RPE65: variants seen among roughly 807,000 people sequenced by gnomAD.
RPE65 encodes retinoid isomerohydrolase.
Under a neutral mutation model 68.5 loss-of-function variants are expected in RPE65, and 58 were observed. The ratio of observed to expected loss-of-function variants is 0.85; its 90% CI spans 0.69 to 1.05. The LOEUF is 1.05. Among genes scored for constraint, RPE65 ranks in the 50% least tolerant of loss-of-function variants. The pLI is 0.00. For missense variants in RPE65, 643 were observed against 629.9 expected (o/e 1.02, Z -0.22); for synonymous variants, 220 against 222.2 (o/e 0.99, Z 0.09).
intron 10 of RPE65, among the ~76,000 whole-genome samples, chr1:68,433,137 C>T (rs1645838285): frequency 6.6e-6 from 1 of 152,070 alleles, no homozygotes; most frequent in Non-Finnish European, 1.5e-5. Flanking sequence ...GGAGCTGGCG[C>T]TAGCAGGTAA....
chr1:68,436,071 G>A (rs1645860738), intron 10 of RPE65, among the ~76,000 whole-genome samples: 1 of 152,138 alleles, frequency 6.6e-6, no homozygotes, highest in East Asian at 1.9e-4. Context: ...CATACAGTTA[G>A]AAAAATCCTT....
chr1:68,449,771 CA>C (rs1645969868), intron 1 of RPE65, 123 bp downstream of exon 1: 1 of 1,199,922 alleles, frequency 8.3e-7, no homozygotes, highest in Non-Finnish European at 1.2e-6. Flanking sequence ...ATTTCCCCAC[CA>C]AAATTCAAGG....
At position 68,438,140 on chromosome 1, in the gene RPE65, G is replaced by A. The variant is rs578171706; in HGVS notation, c.1128+47C>T. ...AGGCAGGAGGACAATTCCTGAGAGA[G>A]ATGAAACATTCTGGTTAAATCTGAA... On this transcript the variant is annotated intron_variant, in intron 10 of 13. Transcript: ENST00000262340. 118 of 1,610,930 alleles carry A rather than the reference G, an allele frequency of 7.3e-5. No individual in the cohort carries two copies. In the South Asian group the frequency reaches 1.2e-3, roughly 17 times the overall value.
In RPE65 at chr1:68,444,609, C is replaced by T. The variant is rs536073181; in HGVS notation, c.417G>A (p.Val139=). The T allele has an allele frequency of 1.1e-5, 18 of 1,614,116 alleles. No individual in the cohort carries two copies. The African/African-American group carries it at 2.3e-4, about 20-fold the overall frequency. The change falls in exon 5 of 14, where the codon GTG becomes GTA. Residue 139 remains valine, a synonymous_variant. Transcript: ENST00000262340. ...TDNALVNVYP[V]GEDYYACTET... ...CTGTGCAAGCGTAGTAATCTTCCCC[C>T]ACTGGGTAGACATTAACAAGGGCAT...
chr1:68,429,085 C>T lies in RPE65; in HGVS notation c.*691G>A, dbSNP rs2100803887. The T allele has an allele frequency of 6.6e-6, 1 of 152,002 alleles. No homozygotes were observed. The highest frequency in any genetic ancestry group is 2.1e-4 in the South Asian group (1 of 4,824). The allele number at this position is 152,002 out of a possible 1,614,324, so 9.4% of individuals were successfully genotyped here. A position where few individuals can be genotyped will look rare whatever the true frequency, so the allele number is the denominator to read the frequency against. On this transcript the variant is annotated 3_prime_UTR_variant, in exon 14 of 14. Coordinates refer to ENST00000262340, the MANE Select transcript of RPE65 (RefSeq NM_000329.3). Reference sequence around the variant, plus strand: ...ATATAGTCACTACTATATGTACTTGCTTTTATGTTACATAAGCTTTTAATA... The same window carrying T: ...ATATAGTCACTACTATATGTACTTGTTTTTATGTTACATAAGCTTTTAATA...
chr1:68,445,905 T>C (rs1225884835), intron 3 of RPE65, among the ~76,000 whole-genome samples: 2 of 151,816 alleles, frequency 1.3e-5, no homozygotes, highest in African/African-American at 2.4e-5. Context: ...TATGGCTACA[T>C]TTCTGCTTGA....
In RPE65 at chr1:68,449,878, C is replaced by T. The variant is rs374912874; in HGVS notation, c.11+17G>A. On this transcript the variant is annotated intron_variant, in intron 1 of 13. Coordinates refer to ENST00000262340, the MANE Select transcript of RPE65 (RefSeq NM_000329.3). The stretch of plus-strand genomic sequence containing the variant: ...ATCCATGAAGGTGTTTTAAAAAAGT[C>T]TCCCAGAGATACTTACTGGATAGAC... 6.8e-6 allele frequency: 11 copies of T among 1,613,854 alleles called. No homozygotes were observed. The African/African-American group carries it at 1.5e-4, about 22-fold the overall frequency.
chr1:68,438,449 G>T, intron 9 of RPE65, 133 bp from the exon 10 acceptor site: 6 of 1,041,892 alleles, frequency 5.8e-6, no homozygotes, highest in African/African-American at 1.6e-5. Flanking sequence ...TGAGCCAGGT[G>T]TATCAGAGCC....
intron 10 of RPE65, among the ~76,000 whole-genome samples, chr1:68,435,580 C>T (rs1645857154): frequency 6.6e-6 from 1 of 152,146 alleles, no homozygotes; most frequent in Non-Finnish European, 1.5e-5. Flanking sequence ...TACTTTACTA[C>T]TTTTGCCTAT....
Position 68,431,085 on chromosome 1 carries a change from T to C in RPE65, c.1430A>G (p.Asp477Gly), listed in dbSNP as rs1571158279. 1.2e-6 allele frequency: 2 copies of C among 1,613,714 alleles called. No individual in the cohort carries two copies. Among genetic ancestry groups the C allele is most frequent in the Non-Finnish European group, 1.7e-6 (2 of 1,179,718 alleles). The change falls in exon 13 of 14, where the codon GAT becomes GGT. Residue 477 changes from aspartate (D) to glycine (G), a missense_variant. By Grantham distance (94) the Asp-to-Gly change is moderately conservative. Coordinates refer to ENST00000262340, the MANE Select transcript of RPE65 (RefSeq NM_000329.3). ...ATTACCATCATCTTCTTCCAAGGCA[T>C]CTGGGTGAGAAACAAAGATGGGTTC... The part of the protein sequence containing the change: ...PSEPIFVSHP[D>G]ALEEDDGVVL...
chr1:68,438,062 A>G (rs897574417), intron 10 of RPE65, 125 bp downstream of exon 10: 1 of 1,207,720 alleles, frequency 8.3e-7, no homozygotes, highest in African/African-American at 1.5e-5. Context: ...TAATTAGCCT[A>G]TTTTTAAAGC....
chr1:68,446,212 C>G (rs950869956), intron 3 of RPE65, among the ~76,000 whole-genome samples: 1 of 151,940 alleles, frequency 6.6e-6, no homozygotes, highest in Non-Finnish European at 1.5e-5. Context: ...TGGCAGCCCC[C>G]GACCCCTTTC....
chr1:68,434,825 T>C (rs985464509), intron 10 of RPE65, among the ~76,000 whole-genome samples: 1 of 152,220 alleles, frequency 6.6e-6, no homozygotes, highest in African/African-American at 2.4e-5. Context: ...TGGACTGCAA[T>C]GGCATGTAGC....
rs142092475 is a variant in RPE65, at chr1:68,438,891, A to C, written c.998+51T>G. The stretch of plus-strand genomic sequence containing the variant: ...TGCAGCAGCTCTGTAAAAACCCCGT[A>C]ATTTCCAGGAACAATGGGAGGTGTC... On this transcript the variant is annotated intron_variant, in intron 9 of 13. Transcript: ENST00000262340. 2.5e-6 allele frequency: 4 copies of C among 1,612,132 alleles called. No homozygotes were observed. In the African/African-American group the frequency reaches 5.3e-5, roughly 22 times the overall value.
At chr1:68,431,414 C>T (rs766606302) in intron 11 of RPE65, 38 bp from the exon 12 acceptor site, 1 of 1,612,632 alleles carries the variant, frequency 6.2e-7, no homozygotes, top group Non-Finnish European at 8.5e-7. Context: ...AACTCTTAAT[C>T]TCTTTGAAAG....
chr1:68,429,931 T>C lies in RPE65; in HGVS notation c.1451-4A>G, dbSNP rs1434311634. On this transcript the variant is annotated splice_region_variant and splice_polypyrimidine_tract_variant and intron_variant, in intron 13 of 13. Coordinates refer to ENST00000262340, the MANE Select transcript of RPE65 (RefSeq NM_000329.3). ...ACCACCACACTCAGAACTACACCTG[T>C]TTATCAGAAGTAAATTAGGCAATAT... is the stretch of plus-strand genomic sequence containing the variant. The C allele has an allele frequency of 2.5e-6, 4 of 1,613,528 alleles. No homozygotes were observed. The highest frequency in any genetic ancestry group is 3.4e-6 in the Non-Finnish European group (4 of 1,179,704).
rs751107532 is a variant in RPE65 at position 68,431,361 on chromosome 1, T to A, written c.1259A>T (p.Gln420Leu). ...SGPRQAFEFP[Q>L]INYQKYCGKP... Reference sequence around the variant, plus strand: ...CCCACAATACTTCTGGTAATTGATTTGAGGAAACTCAAATGCTACGAAATA... The same window carrying A: ...CCCACAATACTTCTGGTAATTGATTAGAGGAAACTCAAATGCTACGAAATA... The change falls in exon 12 of 14, where the codon CAA (glutamine) becomes CTA (leucine). Residue 420 changes from glutamine to leucine, a missense_variant. By Grantham distance (113) the Gln-to-Leu change is moderately radical (BLOSUM62 -2). Coordinates refer to ENST00000262340, the MANE Select transcript of RPE65 (RefSeq NM_000329.3). 6.2e-7 allele frequency: 1 copy of A among 1,613,946 alleles called. No homozygotes were observed. Among genetic ancestry groups the A allele is most frequent in the East Asian group, 2.2e-5 (1 of 44,876 alleles).
intron 6 of RPE65, 55 bp downstream of exon 6, chr1:68,440,779 TCTTTCTCACAATACAGTAA>T (rs1316150876): frequency 6.4e-7 from 1 of 1,567,110 alleles, no homozygotes; most frequent in Non-Finnish European, 8.8e-7. Context: ...GACATTCTTA[TCTTTCTCACAATACAGTAA>T]CTTTCTCACA....
At chr1:68,446,941 G>A in intron 2 of RPE65, 81 bp from the exon 3 acceptor site, 1 of 1,585,598 alleles carries the variant, frequency 6.3e-7, no homozygotes, top group Non-Finnish European at 8.6e-7. Context: ...GAGTATATCA[G>A]CAGCCTGATT....
Sources: gnomAD v4.1 joint callset for allele counts (sites outside exome capture counted in the v4.1 genomes callset) on GRCh38, gnomAD v4.1.1 for gene constraint, MANE v1.5 for transcripts, NCBI Gene and HGNC (gene_info 2026-07-23, HGNC 2026-07-21) for gene names.